The following SCML2 variants were observed in gnomAD, a reference collection of about 807,000 sequenced individuals.
SCML2 encodes Scm polycomb group protein like 2.
In SCML2, 6 loss-of-function variants were observed where a neutral mutation model predicts 48.4. That is an observed-to-expected ratio of 0.12 (90% CI 0.07 to 0.24). The LOEUF (loss-of-function observed/expected upper bound fraction) is 0.24. Ranked by LOEUF, SCML2 falls within the 10% of genes least tolerant of loss-of-function variation. SCML2 has a pLI of 1.00. For synonymous variants in SCML2, 181 were observed against 189.5 expected, an observed-to-expected ratio of 0.95 and a Z score of 0.37; for missense variants, 377 against 528.2, an observed-to-expected ratio of 0.71 and a Z score of 2.81.
chrX:18,317,652 G>A (rs1233676194), intron 6 of SCML2, among the ~76,000 whole-genome samples: 1 of 110,006 alleles, frequency 9.1e-6, no homozygotes, highest in Non-Finnish European at 1.9e-5. Flanking sequence ...CTAACACGGT[G>A]ACACCCCGTC....
At chrX:18,247,677 C>T in intron 12 of SCML2, 92 bp downstream of exon 12, 1 of 642,340 alleles carries the variant, frequency 1.6e-6, no homozygotes, top group South Asian at 3.5e-5. Flanking sequence ...AAATTTACCT[C>T]CCTACCTCCA....
At chrX:18,343,500 G>A (rs897027973) in intron 1 of SCML2, among the ~76,000 whole-genome samples, 11 of 110,734 alleles carry the variant, frequency 9.9e-5, no homozygotes, top group Non-Finnish European at 1.3e-4. Flanking sequence ...AGTGGTTCAC[G>A]CCTGTAACAC....
At chrX:18,278,284 G>A (rs1287712192) in intron 7 of SCML2, among the ~76,000 whole-genome samples, 1 of 112,092 alleles carries the variant, frequency 8.9e-6, no homozygotes, top group Non-Finnish European at 1.9e-5. Context: ...GGCTGAAGAG[G>A]GAGGAAGCTG....
At chrX:18,256,166 A>G (rs1338317410) in intron 11 of SCML2, among the ~76,000 whole-genome samples, 1 of 111,491 alleles carries the variant, frequency 9.0e-6, no homozygotes, top group Non-Finnish European at 1.9e-5. Context: ...CAAGCATATC[A>G]CAGGCTGGGT....
At chrX:18,339,978 A>T (rs1414288975) in intron 1 of SCML2, among the ~76,000 whole-genome samples, 1 of 112,364 alleles carries the variant, frequency 8.9e-6, no homozygotes, top group Non-Finnish European at 1.9e-5. Context: ...ACCCATATAC[A>T]ACATATATTT....
chrX:18,337,355 CAAAAAAAAA>C (rs747064959), intron 1 of SCML2, among the ~76,000 whole-genome samples: 1 of 27,764 alleles, frequency 3.6e-5, no homozygotes, highest in African/African-American at 1.4e-4. Flanking sequence ...ATGTTGGCTA[CAAAAAAAAA>C]AAAAAAAACT....
At chrX:18,319,866 C>T (rs1442892677) in intron 6 of SCML2, among the ~76,000 whole-genome samples, 1 of 110,772 alleles carries the variant, frequency 9.0e-6, no homozygotes, top group Non-Finnish European at 1.9e-5. Flanking sequence ...GGAAGACACA[C>T]TAGGGATGTG....
At chrX:18,353,590 CAA>C (rs1697115497) in intron 1 of SCML2, among the ~76,000 whole-genome samples, 1 of 112,843 alleles carries the variant, frequency 8.9e-6, no homozygotes. Flanking sequence ...AATTTACAAA[CAA>C]GAAGCAAATT....
At chrX:18,326,049 G>A (rs1254861775) in intron 3 of SCML2, among the ~76,000 whole-genome samples, 2 of 112,139 alleles carry the variant, frequency 1.8e-5, no homozygotes, top group Non-Finnish European at 3.8e-5. Flanking sequence ...GCAGATTTCC[G>A]TGATGTAAAT....
intron 6 of SCML2, among the ~76,000 whole-genome samples, chrX:18,314,730 G>C (rs1223671529): frequency 8.9e-6 from 1 of 111,875 alleles, no homozygotes; most frequent in East Asian, 2.8e-4. Flanking sequence ...TCCAGGAAGA[G>C]AGACAGTAAA....
intron 7 of SCML2, among the ~76,000 whole-genome samples, chrX:18,295,700 G>A (rs1928373880): frequency 1.0e-5 from 1 of 99,088 alleles, no homozygotes; most frequent in Admixed American, 1.2e-4. Context: ...CATATACACT[G>A]ACCATGGGCC....
At chrX:18,250,581 C>T (rs1370754797) in intron 11 of SCML2, among the ~76,000 whole-genome samples, 1 of 109,690 alleles carries the variant, frequency 9.1e-6, no homozygotes, top group Non-Finnish European at 1.9e-5. Flanking sequence ...GACGGGGTTT[C>T]ACTGTGTTAG....
At chrX:18,291,450 A>G (rs895651597) in intron 7 of SCML2, among the ~76,000 whole-genome samples, 4 of 112,163 alleles carry the variant, frequency 3.6e-5, no homozygotes, top group Non-Finnish European at 7.5e-5. Context: ...CAGTTTTTAA[A>G]AATTGTTAGA....
At position 18,330,584 on chromosome X, in the gene SCML2, T is replaced by C. The variant is rs1405110867; in HGVS notation, c.91+3A>G. The C allele has an allele frequency of 1.8e-6, 2 of 1,113,053 alleles. No homozygotes were observed. Among genetic ancestry groups the C allele is most frequent in the Non-Finnish European group, 2.4e-6 (2 of 820,558 alleles). 91.7% of individuals were successfully genotyped at this position (1,113,053 alleles called of 1,213,427 possible). ...TGCTGTATTAAATTACTTTAAAACC[T>C]ACCCCTTTGTACAGAAGATGTACTT... On this transcript the variant is annotated splice_donor_region_variant and intron_variant, in intron 3 of 14. Coordinates refer to ENST00000251900, the MANE Select transcript of SCML2 (RefSeq NM_006089.3).
intron 7 of SCML2, among the ~76,000 whole-genome samples, chrX:18,296,004 G>A (rs900261395): frequency 6.3e-5 from 7 of 111,303 alleles, no homozygotes; most frequent in Middle Eastern, 4.7e-3. Flanking sequence ...AATTAGAAGC[G>A]GCAACTATTA....
intron 7 of SCML2, among the ~76,000 whole-genome samples, chrX:18,293,908 C>T (rs1248738193): frequency 8.9e-6 from 1 of 111,840 alleles, no homozygotes; most frequent in Non-Finnish European, 1.9e-5. Flanking sequence ...AAGTGTCTTT[C>T]GAGGACAAAG....
intron 1 of SCML2, among the ~76,000 whole-genome samples, chrX:18,340,028 G>A (rs764812693): frequency 2.7e-5 from 3 of 111,596 alleles, no homozygotes; most frequent in East Asian, 2.8e-4. Flanking sequence ...TCCATATATC[G>A]ATAATCTTCA....
At chrX:18,263,558 T>C (rs1409645326) in intron 8 of SCML2, among the ~76,000 whole-genome samples, 1 of 111,805 alleles carries the variant, frequency 8.9e-6, no homozygotes, top group Non-Finnish European at 1.9e-5. Context: ...TTAAGAAATA[T>C]TTATATCTTT....
intron 6 of SCML2, among the ~76,000 whole-genome samples, chrX:18,307,152 A>G (rs1928782214): frequency 9.0e-6 from 1 of 110,590 alleles, no homozygotes; most frequent in South Asian, 3.8e-4. Context: ...GCATGGTGGC[A>G]GCACACCTGT....
Sources: allele counts gnomAD v4.1 joint callset (sites outside exome capture counted in the v4.1 genomes callset), GRCh38; gene constraint gnomAD v4.1.1; transcripts MANE v1.5; gene names NCBI Gene and HGNC (gene_info 2026-07-23, HGNC 2026-07-21).